The following QTGAL variants were observed in gnomAD, a reference collection of about 807,000 sequenced individuals.
QTGAL encodes the protein queuosine-tRNA galactosyltransferase, also known as BGnT-like protein 1.
chr17:82,969,440 C>G, the QTGAL span, among the ~76,000 whole-genome samples: 1 of 108,990 alleles, frequency 9.2e-6, no homozygotes. Context: ...AACTCCTGGC[C>G]TCAGGTGATC....
chr17:82,969,334 A>AT, the QTGAL span, among the ~76,000 whole-genome samples: 5 of 148,544 alleles, frequency 3.4e-5, 1 homozygote, highest in East Asian at 6.2e-4. Flanking sequence ...TGATTTTTGT[A>AT]TTTTAGTAGG....
chr17:83,039,449 C>A, the QTGAL span, among the ~76,000 whole-genome samples: 1 of 117,688 alleles, frequency 8.5e-6, no homozygotes, highest in Non-Finnish European at 1.9e-5. Context: ...CCGCCGCCCG[C>A]CCCTCTTCTA....
the QTGAL span, among the ~76,000 whole-genome samples, chr17:83,030,371 A>C: frequency 6.6e-6 from 1 of 152,180 alleles, no homozygotes; most frequent in African/African-American, 2.4e-5. Flanking sequence ...CACAGGTGGG[A>C]AAGTAAAGAA....
At chr17:83,046,049 C>G in the QTGAL span, among the ~76,000 whole-genome samples, 1 of 152,172 alleles carries the variant, frequency 6.6e-6, no homozygotes, top group African/African-American at 2.4e-5. Context: ...GTCTTGAACT[C>G]CTGACCTCTG....
At chr17:82,967,331 G>A in the QTGAL span, among the ~76,000 whole-genome samples, 4 of 152,158 alleles carry the variant, frequency 2.6e-5, 1 homozygote, top group South Asian at 2.1e-4. Context: ...GTGTGAACAC[G>A]CAGGTCAGGC....
chr17:83,035,219 G>A, the QTGAL span: 10 of 828,350 alleles, frequency 1.2e-5, no homozygotes, highest in South Asian at 1.6e-4. Context: ...CCCTCTTGTT[G>A]CCCAGGCTGG....
At chr17:83,017,151 C>T in the QTGAL span, among the ~76,000 whole-genome samples, 1 of 151,872 alleles carries the variant, frequency 6.6e-6, no homozygotes, top group Non-Finnish European at 1.5e-5. Context: ...GAGATGATCT[C>T]GTGGAGGTAG....
At chr17:83,032,763 C>T in the QTGAL span, among the ~76,000 whole-genome samples, 1 of 152,086 alleles carries the variant, frequency 6.6e-6, no homozygotes, top group African/African-American at 2.4e-5. Flanking sequence ...GTGTTTTGGT[C>T]TAAGAAGAAA....
At chr17:82,942,632 TG>T in the QTGAL span, 1 of 807,666 alleles carries the variant, frequency 1.2e-6, no homozygotes, top group Non-Finnish European at 2.0e-6. Context: ...ACCTGCGCTC[TG>T]GTGACTTGGG....
At chr17:83,026,620 A>G in the QTGAL span, among the ~76,000 whole-genome samples, 1 of 150,370 alleles carries the variant, frequency 6.7e-6, no homozygotes, top group African/African-American at 2.5e-5. Context: ...ACCGATACAC[A>G]GAGGAGGGCA....
At chr17:82,955,001 A>T in the QTGAL span, among the ~76,000 whole-genome samples, 1 of 151,958 alleles carries the variant, frequency 6.6e-6, no homozygotes, top group Non-Finnish European at 1.5e-5. Context: ...TAAAGACTTA[A>T]ACCTAAAACC....
At chr17:83,011,115 G>C in the QTGAL span, among the ~76,000 whole-genome samples, 1 of 152,176 alleles carries the variant, frequency 6.6e-6, no homozygotes, top group Admixed American at 6.5e-5. Flanking sequence ...TTTCCTCTCC[G>C]ATGTCTCCTG....
chr17:82,971,666 C>A, the QTGAL span, among the ~76,000 whole-genome samples: 4 of 69,720 alleles, frequency 5.7e-5, no homozygotes, highest in African/African-American at 1.1e-4. Context: ...ACCACAGGGG[C>A]CAGAAGGACC....
At chr17:82,953,359 G>A in the QTGAL span, among the ~76,000 whole-genome samples, 1 of 151,970 alleles carries the variant, frequency 6.6e-6, no homozygotes, top group East Asian at 1.9e-4. Flanking sequence ...AGAGATACAA[G>A]CTACCATCAG....
chr17:82,973,184 G>A, the QTGAL span, among the ~76,000 whole-genome samples: 6 of 151,924 alleles, frequency 3.9e-5, no homozygotes, highest in South Asian at 2.1e-4. Flanking sequence ...CAAAGGAACC[G>A]AAAGGAGAAA....
At chr17:83,027,973 G>C in the QTGAL span, among the ~76,000 whole-genome samples, 6 of 152,026 alleles carry the variant, frequency 3.9e-5, no homozygotes, top group African/African-American at 7.3e-5. Context: ...AATTAGCCAG[G>C]TGTGGTGGTA....
chr17:82,995,314 A>C, the QTGAL span, among the ~76,000 whole-genome samples: 1 of 152,140 alleles, frequency 6.6e-6, no homozygotes, highest in Admixed American at 6.5e-5. Flanking sequence ...CAACTATTAG[A>C]CCTGATAAAC....
chr17:83,046,669 C>T, the QTGAL span, among the ~76,000 whole-genome samples: 1 of 152,204 alleles, frequency 6.6e-6, no homozygotes, highest in Non-Finnish European at 1.5e-5. Context: ...TTTGGCAGCT[C>T]CTCAGTATGT....
chr17:83,032,123 C>CA, the QTGAL span, among the ~76,000 whole-genome samples: 1 of 141,244 alleles, frequency 7.1e-6, no homozygotes, highest in East Asian at 2.1e-4. Context: ...AGACCGAGCT[C>CA]GGGAGCTGAA....
Sources: allele counts gnomAD v4.1 joint callset (sites outside exome capture counted in the v4.1 genomes callset), GRCh38; gene constraint gnomAD v4.1.1; transcripts MANE v1.5; gene names NCBI Gene and HGNC (gene_info 2026-07-23, HGNC 2026-07-21).